The following RASSF5 variants were observed in gnomAD, a reference collection of about 807,000 sequenced individuals.
RASSF5 encodes the protein Ras association domain family member 5.
Under a neutral mutation model 40.5 loss-of-function variants are expected in RASSF5, and 25 were observed. The observed-to-expected ratio is 0.62, with a 90% confidence interval of 0.45 to 0.86. RASSF5 has a LOEUF of 0.86. Ranked by LOEUF, RASSF5 falls within the 40% of genes least tolerant of loss-of-function variation. RASSF5 has a pLI of 0.00. For missense variants in RASSF5, 521 were observed against 572.8 expected, an observed-to-expected ratio of 0.91 and a Z score of 0.92; for synonymous variants, 246 against 252.4, an observed-to-expected ratio of 0.97 and a Z score of 0.24.
chr1:206,507,606 G>A lies in RASSF5; in HGVS notation c.4G>A (p.Ala2Thr). Residue 2 changes from alanine (A) to threonine (T), a missense_variant, in exon 1 of 6, where the codon GCC becomes ACC. By Grantham distance (58) the Ala-to-Thr change is moderately conservative (BLOSUM62 0). Coordinates refer to ENST00000579436, the MANE Select transcript of RASSF5 (RefSeq NM_182663.4). ...AAGCTGCCGCCACTAGCCGGGCATG[G>A]CCATGGCGTCCCCGGCCATCGGGCA... M[A>T]MASPAIGQRP... The A allele has an allele frequency of 6.6e-7, 1 of 1,511,078 alleles. No homozygotes were observed. 93.6% of individuals were successfully genotyped at this position (1,511,078 alleles called of 1,614,324 possible).
chr1:206,566,750 AG>A (rs1404919525), intron 2 of RASSF5, among the ~76,000 whole-genome samples: 1 of 152,162 alleles, frequency 6.6e-6, no homozygotes, highest in Non-Finnish European at 1.5e-5. Flanking sequence ...GGGCATTTCC[AG>A]TTGTAACTCA....
intron 2 of RASSF5, among the ~76,000 whole-genome samples, chr1:206,539,626 T>C (rs1305382309): frequency 1.3e-5 from 2 of 152,230 alleles, no homozygotes; most frequent in African/African-American, 4.8e-5. Flanking sequence ...CCACAGACGT[T>C]GGAATAGTAA....
At chr1:206,562,424 G>A (rs1475946985) in intron 2 of RASSF5, among the ~76,000 whole-genome samples, 2 of 152,178 alleles carry the variant, frequency 1.3e-5, no homozygotes, top group African/African-American at 4.8e-5. Context: ...TTTTTTATGT[G>A]CTGTCTCAAA....
At chr1:206,581,923 C>T (rs1382637249) in intron 2 of RASSF5, among the ~76,000 whole-genome samples, 3 of 150,158 alleles carry the variant, frequency 2.0e-5, no homozygotes, top group South Asian at 2.1e-4. Flanking sequence ...GATGTGACGT[C>T]GCGGCAGCTG....
intron 2 of RASSF5, chr1:206,544,016 T>C (rs563909857): frequency 3.3e-5 from 5 of 152,336 alleles, no homozygotes; most frequent in Admixed American, 2.0e-4. Flanking sequence ...CCACCCAAAG[T>C]GCTGGGATTA....
intron 2 of RASSF5, among the ~76,000 whole-genome samples, chr1:206,574,535 C>T (rs540235136): frequency 6.6e-6 from 1 of 152,338 alleles, no homozygotes; most frequent in Non-Finnish European, 1.5e-5. Flanking sequence ...TTTTTTCCCT[C>T]TGCTCTGTTA....
chr1:206,557,246 G>C, intron 2 of RASSF5: 2 of 1,119,636 alleles, frequency 1.8e-6, no homozygotes, highest in Non-Finnish European at 2.2e-6. Flanking sequence ...GGCGGAGGGA[G>C]GGCGCTGGCG....
At position 206,587,815 on chromosome 1, in the gene RASSF5, A is replaced by G. The variant is rs371799414; in HGVS notation, c.*837A>G. On this transcript the variant is annotated 3_prime_UTR_variant, in exon 6 of 6. Transcript: ENST00000579436. ...TTGACCATTTAAAAAGTCTCCTGCT[A>G]AGTATGGAAATCAGACAGTAAGAGA... is the stretch of plus-strand genomic sequence containing the variant. 1 of 152,482 alleles carries G rather than the reference A, an allele frequency of 6.6e-6. No individual in the cohort carries two copies. Among genetic ancestry groups the G allele is most frequent in the Non-Finnish European group, 1.5e-5 (1 of 68,060 alleles). The allele number at this position is 152,482 out of a possible 1,614,324, so 9.4% of individuals were successfully genotyped here. A position where few individuals can be genotyped will look rare whatever the true frequency, so the allele number is the denominator to read the frequency against.
At chr1:206,583,236 A>G (rs781830956) in intron 2 of RASSF5, 33 bp from the exon 3 acceptor site, 9 of 1,417,610 alleles carry the variant, frequency 6.3e-6, no homozygotes, top group South Asian at 5.7e-5. Flanking sequence ...GAGAACTACT[A>G]CACATCCACC....
chr1:206,588,774 C>T lies in RASSF5; in HGVS notation c.*1796C>T, dbSNP rs1201968903. On this transcript the variant is annotated 3_prime_UTR_variant, in exon 6 of 6. Transcript: ENST00000579436. Reference sequence around the variant, plus strand: ...AGCCATCTCATGCTCAGCCTTATCACTTCCCTCCCTTTAGAAACTCTCTCC... The same window carrying T: ...AGCCATCTCATGCTCAGCCTTATCATTTCCCTCCCTTTAGAAACTCTCTCC... 1 of 152,776 alleles carries T rather than the reference C, an allele frequency of 6.5e-6. No individual in the cohort carries two copies. The highest frequency in any genetic ancestry group is 1.5e-5 in the Non-Finnish European group (1 of 68,044). 9.5% of individuals were successfully genotyped at this position (152,776 alleles called of 1,614,324 possible). A position where few individuals can be genotyped will look rare whatever the true frequency, so the allele number is the denominator to read the frequency against.
chr1:206,556,024 ACCTGATAAC>A (rs1667974679), intron 2 of RASSF5, among the ~76,000 whole-genome samples: 1 of 152,098 alleles, frequency 6.6e-6, no homozygotes, highest in South Asian at 2.1e-4. Flanking sequence ...TTGGAGAGAG[ACCTGATAAC>A]CCCTCTCAGC....
chr1:206,526,269 A>AGTGT (rs61263066), intron 1 of RASSF5, among the ~76,000 whole-genome samples: 16 of 143,034 alleles, frequency 1.1e-4, no homozygotes, highest in Admixed American at 1.4e-4. Context: ...GCTTTCTGGC[A>AGTGT]GTGTGTGTGT....
At chr1:206,539,441 C>A (rs1553399100) in intron 2 of RASSF5, among the ~76,000 whole-genome samples, 1 of 152,208 alleles carries the variant, frequency 6.6e-6, no homozygotes, top group Non-Finnish European at 1.5e-5. Flanking sequence ...GGAACACAAT[C>A]AACAGTGTTC....
At chr1:206,546,496 T>C (rs569202262) in intron 2 of RASSF5, among the ~76,000 whole-genome samples, 64 of 152,352 alleles carry the variant, frequency 4.2e-4, no homozygotes, top group Admixed American at 3.5e-3. Context: ...ACTACTTGAA[T>C]GTACTTTATG....
chr1:206,583,407 C>T lies in RASSF5; in HGVS notation c.690+28C>T, dbSNP rs1395701805. 3.4e-6 allele frequency: 5 copies of T among 1,484,228 alleles called. No individual in the cohort carries two copies. In the African/African-American group the frequency reaches 5.5e-5, roughly 16 times the overall value. The allele number at this position is 1,484,228 out of a possible 1,614,324, so 91.9% of individuals were successfully genotyped here. ...AAGCGCCCGTCCACCCTCAACCTGG[C>T]CCCTGCTCCACCACCCGCTTCGGGT... On this transcript the variant is annotated intron_variant, in intron 3 of 5. Transcript: ENST00000579436.
intron 1 of RASSF5, among the ~76,000 whole-genome samples, chr1:206,523,737 T>C (rs1558498313): frequency 2.0e-5 from 2 of 99,192 alleles, no homozygotes; most frequent in Non-Finnish European, 3.6e-5. Context: ...ATATTATATA[T>C]AATATATTTT....
At chr1:206,510,126 AGGGCTGG>A (rs1666578233) in intron 1 of RASSF5, among the ~76,000 whole-genome samples, 2 of 152,304 alleles carry the variant, frequency 1.3e-5, no homozygotes, top group East Asian at 3.9e-4. Context: ...TGTGCAGATG[AGGGCTGG>A]CAGGTGGAGA....
intron 2 of RASSF5, among the ~76,000 whole-genome samples, chr1:206,549,840 G>A (rs1667785998): frequency 6.6e-6 from 1 of 152,136 alleles, no homozygotes; most frequent in Non-Finnish European, 1.5e-5. Context: ...CACTATTCCT[G>A]CCCTGTATGA....
chr1:206,538,183 A>G lies in RASSF5; in HGVS notation c.469A>G (p.Thr157Ala). The G allele has an allele frequency of 6.2e-7, 1 of 1,614,112 alleles. No homozygotes were observed. The highest frequency in any genetic ancestry group is 8.5e-7 in the Non-Finnish European group (1 of 1,180,012). Reference protein sequence around the residue: ...QALRCTNCKFTCHPECRSLIQ... With the variant: ...QALRCTNCKFACHPECRSLIQ... Reference sequence around the variant, plus strand: ...TTCTTTACCTCCAGACTGTAAATTCACCTGTCACCCAGAATGCCGCAGCCT... The same window carrying G: ...TTCTTTACCTCCAGACTGTAAATTCGCCTGTCACCCAGAATGCCGCAGCCT... Residue 157 changes from threonine (T) to alanine (A), a missense_variant, in exon 2 of 6, where the codon ACC becomes GCC. Physicochemically the swap from Thr to Ala is moderately conservative, Grantham distance 58. Around this residue, in one of 2 missense-constraint regions of RASSF5, gnomAD observed 284 missense variants for 360.8 expected, o/e 0.79. Transcript: ENST00000579436.
Sources: allele counts gnomAD v4.1 joint callset (sites outside exome capture counted in the v4.1 genomes callset), GRCh38; gene constraint gnomAD v4.1.1; regional missense constraint gnomAD v4.1.1; transcripts MANE v1.5; gene names NCBI Gene and HGNC (gene_info 2026-07-23, HGNC 2026-07-21).